The following TOR1AIP1 variants were observed in gnomAD, a reference collection of about 807,000 sequenced individuals.
The protein encoded by TOR1AIP1 is torsin 1A interacting protein 1.
Under a neutral mutation model 63.3 loss-of-function variants are expected in TOR1AIP1, and 54 were observed. That is an observed-to-expected ratio of 0.85 (90% CI 0.69 to 1.07). TOR1AIP1 has a LOEUF of 1.07. Ranked by LOEUF, TOR1AIP1 falls within the 50% of genes least tolerant of loss-of-function variation. TOR1AIP1 has a pLI of 0.00. For missense variants in TOR1AIP1, 736 were observed against 715.0 expected, an observed-to-expected ratio of 1.03 and a Z score of -0.33; for synonymous variants, 294 against 273.5, an observed-to-expected ratio of 1.07 and a Z score of -0.74.
intron 5 of TOR1AIP1, among the ~76,000 whole-genome samples, chr1:179,901,825 G>A (rs962044372): frequency 4.0e-5 from 6 of 151,896 alleles, no homozygotes; most frequent in Admixed American, 2.0e-4. Flanking sequence ...GTGAATTTAA[G>A]TTTATTCAAT....
rs201979642 is a variant in TOR1AIP1, at chr1:179,914,034, C to T, written c.944C>T (p.Ser315Leu). 1.2e-5 allele frequency: 20 copies of T among 1,613,888 alleles called. No homozygotes were observed. The Admixed American group carries it at 2.2e-4, about 17-fold the overall frequency. Residue 315 changes from serine to leucine, a missense_variant, in exon 9 of 10, where the codon TCA (serine) becomes TTA (leucine). This residue lies in a region of TOR1AIP1 where 272 missense variants were observed against 344.1 expected (regional missense o/e 0.79). Transcript: ENST00000606911. ...SILKSELGNQ[S>L]PSTSSRQVTG... ...CTGAAATCAGAGCTTGGAAACCAGT[C>T]ACCATCAACCTCCAGCCGACGTAAG...
Position 179,882,779 on chromosome 1 carries a change from G to T in TOR1AIP1, c.277G>T (p.Asp93Tyr), listed in dbSNP as rs1647760548. The change falls in exon 1 of 10, where the codon GAT becomes TAT. Residue 93 changes from aspartate to tyrosine, a missense_variant. Physicochemically the swap from Asp to Tyr is radical, Grantham distance 160. Coordinates refer to ENST00000606911, the MANE Select transcript of TOR1AIP1 (RefSeq NM_015602.4). ...KRTRLEEFRS[D>Y]SAKEEVRESA... ...AACCCGGCTAGAAGAGTTCCGGTCCGATTCTGCGAAAGAGGAAGTGAGAGA... is the reference window on the plus strand; with the variant it reads ...AACCCGGCTAGAAGAGTTCCGGTCCTATTCTGCGAAAGAGGAAGTGAGAGA... The T allele has an allele frequency of 1.2e-6, 2 of 1,614,208 alleles. No individual in the cohort carries two copies. The highest frequency in any genetic ancestry group is 4.5e-5 in the East Asian group (2 of 44,880).
intron 3 of TOR1AIP1, among the ~76,000 whole-genome samples, chr1:179,894,061 A>G (rs1002841937): frequency 1.3e-5 from 2 of 150,870 alleles, no homozygotes; most frequent in African/African-American, 2.4e-5. Context: ...CAGGAGATTG[A>G]GACCATGGTG....
chr1:179,917,494 A>G lies in TOR1AIP1; in HGVS notation c.1007A>G (p.Asn336Ser). 6.2e-7 allele frequency: 1 copy of G among 1,613,496 alleles called. No individual in the cohort carries two copies. The highest frequency in any genetic ancestry group is 1.1e-5 in the South Asian group (1 of 91,022). Residue 336 changes from asparagine (N) to serine (S), a missense_variant, in exon 10 of 10, where the codon AAC (asparagine) becomes AGC (serine). Coordinates refer to ENST00000606911, the MANE Select transcript of TOR1AIP1 (RefSeq NM_015602.4). ...CAAAATGCATCTTTTGTCAAGAGGA[A>G]CCGGTGGTGGCTACTTCCTCTGATA... is the stretch of plus-strand genomic sequence containing the variant. Reference protein sequence around the residue: ...QPQNASFVKRNRWWLLPLIAA... With the variant: ...QPQNASFVKRSRWWLLPLIAA...
At chr1:179,890,572 T>C (rs888776413) in intron 3 of TOR1AIP1, among the ~76,000 whole-genome samples, 1 of 152,186 alleles carries the variant, frequency 6.6e-6, no homozygotes, top group Non-Finnish European at 1.5e-5. Flanking sequence ...ATAGAAATAC[T>C]AAAATGAGTG....
At position 179,917,529 on chromosome 1, in the gene TOR1AIP1, G is replaced by A; in HGVS notation, c.1042G>A (p.Ala348Thr). 1.2e-6 allele frequency: 2 copies of A among 1,614,058 alleles called. No individual in the cohort carries two copies. The highest frequency in any genetic ancestry group is 1.7e-6 in the Non-Finnish European group (2 of 1,180,026). ...WWLLPLIAALASGSFWFFSTP... is the reference protein window; with the variant it reads ...WWLLPLIAALTSGSFWFFSTP... ...GCTACTTCCTCTGATAGCTGCTCTT[G>A]CCTCTGGGAGTTTTTGGTTCTTTAG... The change falls in exon 10 of 10, where the codon GCC becomes ACC. Residue 348 changes from alanine (A) to threonine (T), a missense_variant. Ala to Thr is a moderately conservative substitution (Grantham distance 58). Around this residue, in one of 2 missense-constraint regions of TOR1AIP1, gnomAD observed 272 missense variants for 344.1 expected, o/e 0.79. Transcript: ENST00000606911.
At chr1:179,885,084 A>G (rs1421951473) in intron 2 of TOR1AIP1, among the ~76,000 whole-genome samples, 1 of 152,214 alleles carries the variant, frequency 6.6e-6, no homozygotes, top group Non-Finnish European at 1.5e-5. Context: ...CTCATGTCAT[A>G]ACTAGCTACT....
chr1:179,891,471 A>G (rs1027006227), intron 3 of TOR1AIP1, among the ~76,000 whole-genome samples: 3 of 151,230 alleles, frequency 2.0e-5, no homozygotes, highest in African/African-American at 7.3e-5. Flanking sequence ...GATCTACCCC[A>G]CTTGGCCTCC....
chr1:179,899,934 T>G (rs188680060), intron 3 of TOR1AIP1, among the ~76,000 whole-genome samples, 192 bp from the exon 4 acceptor site: 1 of 152,354 alleles, frequency 6.6e-6, no homozygotes, highest in Admixed American at 6.5e-5. Flanking sequence ...CGTGAGCCAC[T>G]GCACCCGGCC....
chr1:179,900,606 T>C (rs1648427823), intron 4 of TOR1AIP1: 1 of 151,498 alleles, frequency 6.6e-6, no homozygotes, highest in South Asian at 2.1e-4. Flanking sequence ...CAGAAAATAA[T>C]GTGTTTTTCT....
chr1:179,910,005 C>T (rs976333383), intron 8 of TOR1AIP1, among the ~76,000 whole-genome samples: 2 of 152,118 alleles, frequency 1.3e-5, no homozygotes, highest in African/African-American at 4.8e-5. Context: ...CTCAAGTGAT[C>T]CGCCTGCTTC....
At chr1:179,899,583 G>A (rs1387049930) in intron 3 of TOR1AIP1, among the ~76,000 whole-genome samples, 1 of 151,786 alleles carries the variant, frequency 6.6e-6, no homozygotes, top group Non-Finnish European at 1.5e-5. Context: ...TGTTTTTTTT[G>A]CATACAAAGG....
chr1:179,918,276 G>T lies in TOR1AIP1; in HGVS notation c.*37G>T. 1 of 1,536,242 alleles carries T rather than the reference G, an allele frequency of 6.5e-7. No homozygotes were observed. Among genetic ancestry groups the T allele is most frequent in the Non-Finnish European group, 8.7e-7 (1 of 1,151,738 alleles). On this transcript the variant is annotated 3_prime_UTR_variant, in exon 10 of 10. Coordinates refer to ENST00000606911, the MANE Select transcript of TOR1AIP1 (RefSeq NM_015602.4). ...GAAGAAAAATCATGTCCCAAGTTCT[G>T]AGAATTGTTCACACTTTCTAACCAG...
chr1:179,898,745 A>C lies in TOR1AIP1; in HGVS notation c.611-1381A>C, dbSNP rs557022472. 6.6e-5 allele frequency among the ~76,000 whole-genome samples: 10 copies of C among 152,262 alleles called. No homozygotes were observed. The South Asian group carries it at 1.7e-3, about 25-fold the overall frequency. On this transcript the variant is annotated intron_variant, in intron 3 of 9. Transcript: ENST00000606911. ...CTTGTTTTAAATTAAAATCTTAAAA[A>C]AAATTTTTTTCGTTTGACTTTTCCT... is the stretch of plus-strand genomic sequence containing the variant.
chr1:179,887,208 G>A (rs1647933347), intron 2 of TOR1AIP1, among the ~76,000 whole-genome samples: 1 of 151,152 alleles, frequency 6.6e-6, no homozygotes, highest in Non-Finnish European at 1.5e-5. Context: ...GACCAGCCTG[G>A]CCAATATGGT....
At position 179,882,985 on chromosome 1, in the gene TOR1AIP1, C is replaced by T. The variant is rs1647783270; in HGVS notation, c.475+8C>T. 1 of 1,603,654 alleles carries T rather than the reference C, an allele frequency of 6.2e-7. No individual in the cohort carries two copies. Among genetic ancestry groups the T allele is most frequent in the African/African-American group, 1.3e-5 (1 of 74,734 alleles). ...ACTCTCATTCCTCTGAAGGTGAGGA[C>T]CGCGGAGGTAACAGTCCCAGCCGCG... On this transcript the variant is annotated splice_region_variant and intron_variant, in intron 1 of 9. Coordinates refer to ENST00000606911, the MANE Select transcript of TOR1AIP1 (RefSeq NM_015602.4).
chr1:179,904,183 T>C (rs1332783182), intron 6 of TOR1AIP1, among the ~76,000 whole-genome samples, 161 bp downstream of exon 6: 1 of 152,232 alleles, frequency 6.6e-6, no homozygotes, highest in Non-Finnish European at 1.5e-5. Flanking sequence ...TTGACCTTGC[T>C]TATTGAGTTA....
chr1:179,897,262 AT>A (rs1648312774), intron 3 of TOR1AIP1, among the ~76,000 whole-genome samples: 1 of 152,240 alleles, frequency 6.6e-6, no homozygotes, highest in Non-Finnish European at 1.5e-5. Flanking sequence ...AAGTATTAAA[AT>A]CAAATGGGGA....
At chr1:179,891,692 A>G (rs1381604459) in intron 3 of TOR1AIP1, among the ~76,000 whole-genome samples, 1 of 151,782 alleles carries the variant, frequency 6.6e-6, no homozygotes, top group African/African-American at 2.4e-5. Context: ...CAGCCTTTCA[A>G]GCAGCTGGGA....
Sources: gnomAD v4.1 joint callset for allele counts (sites outside exome capture counted in the v4.1 genomes callset) on GRCh38, gnomAD v4.1.1 for gene constraint, gnomAD v4.1.1 regional missense constraint, MANE v1.5 for transcripts, NCBI Gene and HGNC (gene_info 2026-07-23, HGNC 2026-07-21) for gene names.